The following FAM168A variants were observed in gnomAD, a reference collection of about 807,000 sequenced individuals.
FAM168A encodes the protein family with sequence similarity 168 member A.
FAM168A carries 3 observed loss-of-function variants against 28.5 expected under a neutral mutation model. The observed-to-expected ratio is 0.11, with a 90% CI of 0.05 to 0.27. FAM168A has a LOEUF of 0.27. Ranked by LOEUF, FAM168A falls within the 10% of genes least tolerant of loss-of-function variation. The pLI is 1.00. For synonymous variants in FAM168A, 122 were observed against 124.2 expected, an observed-to-expected ratio of 0.98 and a Z score of 0.12; for missense variants, 222 against 311.5, an observed-to-expected ratio of 0.71 and a Z score of 2.16.
At chr11:73,430,298 G>A (rs889713526) in intron 3 of FAM168A, 6 of 246,742 alleles carry the variant, frequency 2.4e-5, no homozygotes, top group Non-Finnish European at 4.8e-5. Context: ...GTGTGTGTGT[G>A]TGTGTCCCAA....
chr11:73,437,670 A>G (rs1310298659), intron 2 of FAM168A, among the ~76,000 whole-genome samples: 3 of 152,016 alleles, frequency 2.0e-5, no homozygotes. Flanking sequence ...ACATTTTTTC[A>G]GCCACTGGAG....
Position 73,402,204 on chromosome 11 carries a change from T to A in FAM168A, c.*4559A>T, listed in dbSNP as rs945025347. ...AAGCAGACTTCCACGTATTTTCACT[T>A]AACTGCAATTGAGGAGGAATTCTGA... On this transcript the variant is annotated 3_prime_UTR_variant, in exon 8 of 8. Transcript: ENST00000356467. 1 of 152,220 alleles carries A rather than the reference T, an allele frequency of 6.6e-6. No homozygotes were observed. Among genetic ancestry groups the A allele is most frequent in the African/African-American group, 2.4e-5 (1 of 41,442 alleles). The allele number at this position is 152,220 out of a possible 1,614,324, so 9.4% of individuals were successfully genotyped here.
At chr11:73,449,337 T>C (rs10898921) in intron 2 of FAM168A, among the ~76,000 whole-genome samples, 12,143 of 152,124 alleles carry the variant, frequency 0.08, 582 homozygotes, top group Admixed American at 0.11. Flanking sequence ...TAGTGAGTGA[T>C]AAAACAGCGG....
At chr11:73,571,926 C>T (rs142609241) in intron 1 of FAM168A, among the ~76,000 whole-genome samples, 19,191 of 149,276 alleles carry the variant, frequency 0.13, 1,533 homozygotes, top group South Asian at 0.24. Context: ...ATGTGAGGAG[C>T]GCCTCTGCCC....
At chr11:73,491,201 TG>T (rs1296575049) in intron 1 of FAM168A, among the ~76,000 whole-genome samples, 1 of 152,050 alleles carries the variant, frequency 6.6e-6, no homozygotes, top group African/African-American at 2.4e-5. Flanking sequence ...TAGGAGCTGA[TG>T]GGAGATGAGA....
chr11:73,522,187 G>A (rs1227423603), intron 1 of FAM168A, among the ~76,000 whole-genome samples: 1 of 107,618 alleles, frequency 9.3e-6, no homozygotes, highest in Non-Finnish European at 1.9e-5. Context: ...CCTATAAAGG[G>A]GTATCTCTAG....
intron 2 of FAM168A, among the ~76,000 whole-genome samples, chr11:73,447,864 A>T (rs1221515441): frequency 6.6e-6 from 1 of 152,140 alleles, no homozygotes. Context: ...TGGACTTCAG[A>T]TTCAGAGACA....
intron 1 of FAM168A, among the ~76,000 whole-genome samples, chr11:73,512,936 A>T (rs1855252842): frequency 6.6e-6 from 1 of 152,150 alleles, no homozygotes; most frequent in South Asian, 2.1e-4. Context: ...TTCAGTATAA[A>T]ACATGGTCCA....
Position 73,441,070 on chromosome 11 carries a change from T to G in FAM168A, c.71-10300A>C, listed in dbSNP as rs1202701749. ...CATACCTATCAGACAGACTTTTTTT[T>G]TTTTTTTGAGACAGAGTCTTGCTCT... On this transcript the variant is annotated intron_variant, in intron 2 of 7. Coordinates refer to ENST00000356467, the MANE Select transcript of FAM168A (RefSeq NM_015159.3). Among the ~76,000 whole-genome samples, 3 of 151,896 alleles carry G rather than the reference T, an allele frequency of 2.0e-5. No homozygotes were observed. In the East Asian group the frequency reaches 5.8e-4, roughly 29 times the overall value.
intron 2 of FAM168A, among the ~76,000 whole-genome samples, chr11:73,463,674 G>C (rs1867687772): frequency 6.6e-6 from 1 of 152,096 alleles, no homozygotes; most frequent in African/African-American, 2.4e-5. Flanking sequence ...ATTCTGAAAG[G>C]AGACAAATTC....
intron 3 of FAM168A, among the ~76,000 whole-genome samples, chr11:73,421,728 C>A (rs569679499): frequency 1.3e-3 from 191 of 152,324 alleles, no homozygotes; most frequent in African/African-American, 4.4e-3. Flanking sequence ...GCAGTGGCCA[C>A]CCAAAACAAC....
At chr11:73,595,470 C>T in intron 1 of FAM168A, among the ~76,000 whole-genome samples, 1 of 152,148 alleles carries the variant, frequency 6.6e-6, no homozygotes. Context: ...ATTTCGATCC[C>T]AATGGTGCCA....
At chr11:73,413,974 G>A (rs1276766749) in intron 4 of FAM168A, among the ~76,000 whole-genome samples, 1 of 152,134 alleles carries the variant, frequency 6.6e-6, no homozygotes, top group Non-Finnish European at 1.5e-5. Flanking sequence ...GAGGCATGAG[G>A]ATGGCTTGAG....
intron 2 of FAM168A, among the ~76,000 whole-genome samples, chr11:73,440,138 G>C (rs998535792): frequency 6.6e-6 from 1 of 151,978 alleles, no homozygotes; most frequent in East Asian, 1.9e-4. Context: ...TGCCTGCCTC[G>C]ACCTCCCAAA....
At chr11:73,457,619 T>G (rs1257502934) in intron 2 of FAM168A, among the ~76,000 whole-genome samples, 1 of 148,110 alleles carries the variant, frequency 6.8e-6, no homozygotes, top group Non-Finnish European at 1.5e-5. Flanking sequence ...CTCATGCCTG[T>G]AATCTCAGCA....
At chr11:73,535,604 A>G (rs1264712700) in intron 1 of FAM168A, among the ~76,000 whole-genome samples, 1 of 151,544 alleles carries the variant, frequency 6.6e-6, no homozygotes, top group Admixed American at 6.6e-5. Context: ...TATTTTTAGT[A>G]GAGACGGGGT....
chr11:73,513,205 A>ATTTTTT (rs1046600591), intron 1 of FAM168A, among the ~76,000 whole-genome samples: 6 of 109,356 alleles, frequency 5.5e-5, no homozygotes, highest in Non-Finnish European at 9.2e-5. Context: ...TTTTTTTTTA[A>ATTTTTT]TTTTTTTTTT....
chr11:73,405,476 C>A lies in FAM168A; in HGVS notation c.*1287G>T, dbSNP rs916501220. ...GCAAGGTGCCCACTAGGTAGGAAGGCTGCATTTAATGCTAATTTACTGTAA... is the reference window on the plus strand; with the variant it reads ...GCAAGGTGCCCACTAGGTAGGAAGGATGCATTTAATGCTAATTTACTGTAA... On this transcript the variant is annotated 3_prime_UTR_variant, in exon 8 of 8. Coordinates refer to ENST00000356467, the MANE Select transcript of FAM168A (RefSeq NM_015159.3). 6.6e-6 allele frequency: 1 copy of A among 152,172 alleles called. No homozygotes were observed. Among genetic ancestry groups the A allele is most frequent in the Admixed American group, 6.5e-5 (1 of 15,282 alleles). The allele number at this position is 152,172 out of a possible 1,614,324, so 9.4% of individuals were successfully genotyped here. A position where few individuals can be genotyped will look rare whatever the true frequency, so the allele number is the denominator to read the frequency against.
At chr11:73,500,550 AC>A in intron 1 of FAM168A, among the ~76,000 whole-genome samples, 1 of 152,148 alleles carries the variant, frequency 6.6e-6, no homozygotes, top group African/African-American at 2.4e-5. Flanking sequence ...GAGCCACTGC[AC>A]CCAGCCTCAA....
Sources: gnomAD v4.1 joint callset for allele counts (sites outside exome capture counted in the v4.1 genomes callset) on GRCh38, gnomAD v4.1.1 for gene constraint, MANE v1.5 for transcripts, NCBI Gene and HGNC (gene_info 2026-07-23, HGNC 2026-07-21) for gene names.